RPSA2: variants seen among roughly 807,000 people sequenced by gnomAD.
The protein encoded by RPSA2 is ribosomal protein SA 2.
At chr19:23,761,927 T>TCCTTCCTCCCTTCCTTCCTTCCTTCC in the RPSA2 span, among the ~76,000 whole-genome samples, 1 of 62,356 alleles carries the variant, frequency 1.6e-5, no homozygotes, top group Non-Finnish European at 2.9e-5. Context: ...TTTCTTTTTT[T>TCCTTCCTCCCTTCCTTCCTTCCTTCC]TTTTTTTTGA....
At chr19:23,850,288 CAGAA>C in the RPSA2 span, among the ~76,000 whole-genome samples, 2 of 143,464 alleles carry the variant, frequency 1.4e-5, no homozygotes, top group African/African-American at 5.2e-5. Context: ...ATTGGTGAGA[CAGAA>C]AGTATAAGGA....
At chr19:23,778,008 TTC>T in the RPSA2 span, among the ~76,000 whole-genome samples, 1 of 152,230 alleles carries the variant, frequency 6.6e-6, no homozygotes, top group Non-Finnish European at 1.5e-5. Flanking sequence ...TTGTCTCTTC[TTC>T]GTAGATTCTA....
chr19:23,857,184 A>G, the RPSA2 span, among the ~76,000 whole-genome samples: 2 of 152,204 alleles, frequency 1.3e-5, no homozygotes, highest in Admixed American at 1.3e-4. Flanking sequence ...CGATATCTGC[A>G]CTGATTTCAT....
chr19:23,832,900 C>A, the RPSA2 span: 6 of 1,551,114 alleles, frequency 3.9e-6, no homozygotes, highest in Admixed American at 3.5e-5. Flanking sequence ...ATGTGAGGAA[C>A]GTGGCAAATC....
chr19:23,830,946 A>G, the RPSA2 span, among the ~76,000 whole-genome samples: 151 of 152,200 alleles, frequency 9.9e-4, no homozygotes, highest in African/African-American at 3.2e-3. Flanking sequence ...GCTGGTGATT[A>G]TGGGAGTTTC....
the RPSA2 span, among the ~76,000 whole-genome samples, chr19:23,839,347 A>T: frequency 6.6e-6 from 1 of 151,984 alleles, no homozygotes; most frequent in Non-Finnish European, 1.5e-5. Context: ...GCGCGTTATG[A>T]TTGTCTCTGC....
At chr19:23,763,440 TG>T in the RPSA2 span, among the ~76,000 whole-genome samples, 2 of 152,174 alleles carry the variant, frequency 1.3e-5, no homozygotes, top group Non-Finnish European at 2.9e-5. Context: ...GGTGTTTGCG[TG>T]GGAAGAACTG....
At chr19:23,809,988 GC>G in the RPSA2 span, among the ~76,000 whole-genome samples, 148,805 of 152,126 alleles carry the variant, frequency 0.98, 72,871 homozygotes, top group Middle Eastern at 1. Context: ...TTTTTGTTTG[GC>G]CCCCCCAATG....
At chr19:23,793,621 G>T in the RPSA2 span, among the ~76,000 whole-genome samples, 1 of 151,546 alleles carries the variant, frequency 6.6e-6, no homozygotes, top group South Asian at 2.1e-4. Flanking sequence ...GGAGTGCAAT[G>T]GCGTGATTTT....
At chr19:23,828,099 A>T in the RPSA2 span, 1 of 591,720 alleles carries the variant, frequency 1.7e-6, no homozygotes, top group South Asian at 2.0e-5. Context: ...GTTGATGGAA[A>T]ATAAACATCA....
At chr19:23,773,049 G>A in the RPSA2 span, among the ~76,000 whole-genome samples, 1 of 151,770 alleles carries the variant, frequency 6.6e-6, no homozygotes, top group African/African-American at 2.4e-5. Context: ...CAGCCCAGGT[G>A]GCAGTCTGAG....
At chr19:23,760,151 G>A in the RPSA2 span, among the ~76,000 whole-genome samples, 26 of 152,162 alleles carry the variant, frequency 1.7e-4, no homozygotes, top group Non-Finnish European at 3.2e-4. Flanking sequence ...TGGAGCTGGG[G>A]GAAAACCCAG....
At chr19:23,869,197 C>G in the RPSA2 span, among the ~76,000 whole-genome samples, 1 of 152,114 alleles carries the variant, frequency 6.6e-6, no homozygotes, top group East Asian at 1.9e-4. Flanking sequence ...TCTGGCTCCC[C>G]CGGACATAGA....
the RPSA2 span, among the ~76,000 whole-genome samples, chr19:23,831,355 CT>C: frequency 1.3e-5 from 2 of 152,206 alleles, no homozygotes; most frequent in South Asian, 4.1e-4. Flanking sequence ...TTAACACTTC[CT>C]TTTTTTCTTT....
the RPSA2 span, among the ~76,000 whole-genome samples, chr19:23,855,967 A>G: frequency 6.6e-6 from 1 of 152,312 alleles, no homozygotes; most frequent in African/African-American, 2.4e-5. Flanking sequence ...CGTGAGAGCC[A>G]CAAGTATTGG....
At chr19:23,777,637 T>C in the RPSA2 span, among the ~76,000 whole-genome samples, 1 of 152,130 alleles carries the variant, frequency 6.6e-6, no homozygotes, top group Non-Finnish European at 1.5e-5. Flanking sequence ...GATGTGACTT[T>C]CCTCTTCTGC....
At chr19:23,819,149 G>A in the RPSA2 span, 1 of 152,320 alleles carries the variant, frequency 6.6e-6, no homozygotes, top group Admixed American at 6.5e-5. Flanking sequence ...AAAGTTTCCA[G>A]ACGTAAGATT....
chr19:23,833,175 C>T, the RPSA2 span: 1 of 1,193,232 alleles, frequency 8.4e-7, no homozygotes, highest in African/African-American at 1.6e-5. Context: ...TTTCCTGGTC[C>T]TCAGCCCTAA....
the RPSA2 span, among the ~76,000 whole-genome samples, chr19:23,825,128 C>T: frequency 1.1e-4 from 16 of 151,946 alleles, no homozygotes; most frequent in East Asian, 1.9e-4. Context: ...TACAGGTGCC[C>T]GCCACCACGC....
Sources: allele counts gnomAD v4.1 joint callset (sites outside exome capture counted in the v4.1 genomes callset), GRCh38; gene constraint gnomAD v4.1.1; transcripts MANE v1.5; gene names NCBI Gene and HGNC (gene_info 2026-07-23, HGNC 2026-07-21).